The following LRMDA variants were observed in gnomAD, a reference collection of about 807,000 sequenced individuals.
The protein encoded by LRMDA is leucine rich melanocyte differentiation associated.
LRMDA carries 18 observed loss-of-function variants against 29.8 expected under a neutral mutation model. The ratio of observed to expected loss-of-function variants is 0.60; its 90% CI spans 0.42 to 0.90. LRMDA has a LOEUF of 0.90. Among genes scored for constraint, LRMDA ranks in the 40% least tolerant of loss-of-function variants. The pLI, the probability that LRMDA is intolerant of heterozygous loss-of-function variation, is 0.00. For synonymous variants in LRMDA, 125 were observed against 109.4 expected (o/e 1.14, Z -0.89); for missense variants, 273 against 273.9 (o/e 1.00, Z 0.02).
In LRMDA at chr10:76,000,969, C is replaced by T. The variant is rs77753909; in HGVS notation, c.132-35039C>T. Among the ~76,000 whole-genome samples, 942 of 152,296 alleles carry T rather than the reference C, an allele frequency of 6.2e-3. 12 individuals carry two copies. Among genetic ancestry groups the T allele is most frequent in the African/African-American group, 0.022 (908 of 41,556 alleles). On this transcript the variant is annotated intron_variant, in intron 2 of 6. Transcript: ENST00000611255. The stretch of plus-strand genomic sequence containing the variant: ...GGCCCCCTCACGTTGATTCATTCAA[C>T]ACCTTGTATGTGTGCCAGGCACAGT...
intron 2 of LRMDA, among the ~76,000 whole-genome samples, chr10:75,968,207 T>G (rs1488778981): frequency 6.6e-6 from 1 of 151,980 alleles, no homozygotes; most frequent in Non-Finnish European, 1.5e-5. Context: ...GGGGAGCTCT[T>G]GTGAGCCCCA....
intron 2 of LRMDA, among the ~76,000 whole-genome samples, chr10:75,838,466 A>G (rs1465679981): frequency 6.6e-6 from 1 of 152,080 alleles, no homozygotes; most frequent in Non-Finnish European, 1.5e-5. Flanking sequence ...TTCTTAACAT[A>G]TTTTCATATT....
chr10:76,242,770 C>T (rs1852300542), intron 5 of LRMDA, among the ~76,000 whole-genome samples: 1 of 152,192 alleles, frequency 6.6e-6, no homozygotes, highest in African/African-American at 2.4e-5. Flanking sequence ...CTGGGGGATA[C>T]AACTCAACCC....
chr10:75,832,841 A>G (rs1844369215), intron 2 of LRMDA, among the ~76,000 whole-genome samples: 1 of 152,142 alleles, frequency 6.6e-6, no homozygotes, highest in Admixed American at 6.5e-5. Flanking sequence ...ATCTCGTGAG[A>G]CCCATTCACT....
At chr10:76,427,288 G>A (rs1342423585) in intron 6 of LRMDA, among the ~76,000 whole-genome samples, 1 of 151,942 alleles carries the variant, frequency 6.6e-6, no homozygotes, top group Non-Finnish European at 1.5e-5. Context: ...TTGAGCAGTG[G>A]TTTGTAGTTC....
rs528670972 is a variant in LRMDA, at chr10:75,688,117, C to G, written c.131+249623C>G. On this transcript the variant is annotated intron_variant, in intron 2 of 6. Transcript: ENST00000611255. ...CTGCTAACACAACAATTCTGCAGCC[C>G]ATAAATCAAAGAGTAATTTCAACTT... is the stretch of plus-strand genomic sequence containing the variant. 7.9e-5 allele frequency among the ~76,000 whole-genome samples: 12 copies of G among 152,312 alleles called. No individual in the cohort carries two copies. The South Asian group carries it at 2.5e-3, about 32-fold the overall frequency.
In LRMDA at chr10:75,977,124, CTT is replaced by C. The variant is rs57497935; in HGVS notation, c.132-58871_132-58870del. 2.9e-3 allele frequency among the ~76,000 whole-genome samples: 411 copies of C among 140,256 alleles called. 4 individuals carry two copies. Among genetic ancestry groups the C allele is most frequent in the South Asian group, 0.027 (117 of 4,366 alleles). 92.0% of individuals were successfully genotyped at this position (140,256 alleles called of 152,430 possible). A position where few individuals can be genotyped will look rare whatever the true frequency, so the allele number is the denominator to read the frequency against. On this transcript the variant is annotated intron_variant, in intron 2 of 6. Coordinates refer to ENST00000611255, the MANE Select transcript of LRMDA (RefSeq NM_001305581.2). ...TCTAGCTCGATGGTTCTTTTCTTCC[CTT>C]TTTTTTTTTTTTCCTTTTTTAAAGA...
At chr10:75,723,768 T>A (rs1224742572) in intron 2 of LRMDA, among the ~76,000 whole-genome samples, 1 of 152,232 alleles carries the variant, frequency 6.6e-6, no homozygotes, top group Non-Finnish European at 1.5e-5. Context: ...ATGTATGGTG[T>A]AGCGGTGGGA....
intron 2 of LRMDA, among the ~76,000 whole-genome samples, chr10:75,571,139 G>C (rs1840432332): frequency 7.0e-6 from 1 of 143,868 alleles, no homozygotes; most frequent in Non-Finnish European, 1.5e-5. Context: ...CATCTTCAAG[G>C]ACTGATTTGA....
chr10:75,500,266 ACT>A (rs1845096774), intron 2 of LRMDA, among the ~76,000 whole-genome samples: 1 of 152,058 alleles, frequency 6.6e-6, no homozygotes, highest in Non-Finnish European at 1.5e-5. Flanking sequence ...TCTAATGGTA[ACT>A]CTTTTTCTGA....
At chr10:75,841,357 G>A (rs1844537965) in intron 2 of LRMDA, among the ~76,000 whole-genome samples, 3 of 152,174 alleles carry the variant, frequency 2.0e-5, no homozygotes, top group Admixed American at 6.5e-5. Context: ...GGAATGCTAT[G>A]TTTTGTCTGT....
chr10:75,606,251 T>C (rs1353758112), intron 2 of LRMDA, among the ~76,000 whole-genome samples: 1 of 152,184 alleles, frequency 6.6e-6, no homozygotes, highest in South Asian at 2.1e-4. Flanking sequence ...TAACATGTGC[T>C]CTTGCATGGG....
At chr10:75,584,396 C>CT (rs1276436762) in intron 2 of LRMDA, among the ~76,000 whole-genome samples, 1 of 152,076 alleles carries the variant, frequency 6.6e-6, no homozygotes, top group Non-Finnish European at 1.5e-5. Flanking sequence ...CATTCTAAGC[C>CT]TTTTTTTGTG....
At chr10:75,754,374 GTA>G (rs1843002415) in intron 2 of LRMDA, among the ~76,000 whole-genome samples, 1 of 152,122 alleles carries the variant, frequency 6.6e-6, no homozygotes, top group Non-Finnish European at 1.5e-5. Flanking sequence ...AAAACGTATT[GTA>G]TTCTGTTTTC....
At chr10:75,504,657 A>G (rs1021775779) in intron 2 of LRMDA, among the ~76,000 whole-genome samples, 1 of 152,072 alleles carries the variant, frequency 6.6e-6, no homozygotes, top group African/African-American at 2.4e-5. Context: ...CAAGGAGGGG[A>G]GGAAAAAGCA....
intron 2 of LRMDA, among the ~76,000 whole-genome samples, chr10:75,444,365 A>T (rs1211989526): frequency 6.6e-6 from 1 of 152,216 alleles, no homozygotes; most frequent in Non-Finnish European, 1.5e-5. Context: ...AAATGGAAGC[A>T]AGAAAACAGG....
At chr10:75,585,278 A>G (rs1017304248) in intron 2 of LRMDA, among the ~76,000 whole-genome samples, 1 of 152,246 alleles carries the variant, frequency 6.6e-6, no homozygotes, top group Non-Finnish European at 1.5e-5. Flanking sequence ...TCCTTGCTTC[A>G]TTTGTTCAAC....
At chr10:75,546,483 A>T (rs570654400) in intron 2 of LRMDA, among the ~76,000 whole-genome samples, 1 of 152,232 alleles carries the variant, frequency 6.6e-6, no homozygotes, top group East Asian at 1.9e-4. Context: ...AAGACTATAC[A>T]TCAGAATATC....
intron 2 of LRMDA, among the ~76,000 whole-genome samples, chr10:75,608,425 C>G (rs1243593087): frequency 1.3e-5 from 2 of 151,896 alleles, no homozygotes; most frequent in Admixed American, 6.6e-5. Context: ...CAGCATGTGA[C>G]TATAGTTAAT....
Sources: allele counts gnomAD v4.1 joint callset (sites outside exome capture counted in the v4.1 genomes callset), GRCh38; gene constraint gnomAD v4.1.1; transcripts MANE v1.5; gene names NCBI Gene and HGNC (gene_info 2026-07-23, HGNC 2026-07-21).